Variants in MYOM1 observed in about 807,000 individuals in gnomAD.
MYOM1 encodes myomesin-1.
MYOM1 carries 164 observed loss-of-function variants against 205.3 expected under a neutral mutation model. The observed-to-expected ratio is 0.80, with a 90% CI of 0.70 to 0.91. The LOEUF (loss-of-function observed/expected upper bound fraction) is 0.91, where lower values mean the gene tolerates loss of function less well. Ranked by LOEUF, MYOM1 falls within the 40% of genes least tolerant of loss-of-function variation. The pLI is 0.00. For missense variants in MYOM1, 2,011 were observed against 2,127.3 expected (o/e 0.95, Z 1.08); for synonymous variants, 772 against 789.4 (o/e 0.98, Z 0.37).
chr18:3,077,476 T>A (rs2079032446), intron 34 of MYOM1, among the ~76,000 whole-genome samples: 1 of 152,168 alleles, frequency 6.6e-6, no homozygotes, highest in Non-Finnish European at 1.5e-5. Context: ...CAGTTGCTAG[T>A]CCTGATTTTT....
At position 3,085,150 on chromosome 18, in the gene MYOM1, T is replaced by C; in HGVS notation, c.4252-18A>G. On this transcript the variant is annotated intron_variant, in intron 30 of 37. Transcript: ENST00000356443. ...TTGGAAAACTAAGGGGGAATAGATA[T>C]ACCACATTGCACCTTTCGTAGCCCC... 6.4e-7 allele frequency: 1 copy of C among 1,569,552 alleles called. No individual in the cohort carries two copies. Among genetic ancestry groups the C allele is most frequent in the Non-Finnish European group, 8.7e-7 (1 of 1,151,328 alleles).
chr18:3,120,039 GTT>G (rs367606643), intron 19 of MYOM1, 44 bp from the exon 20 acceptor site: 3 of 1,153,526 alleles, frequency 2.6e-6, no homozygotes, highest in Admixed American at 2.9e-5. Context: ...TTCCAGGTTT[GTT>G]TTTTTTTTTC....
chr18:3,157,547 C>T (rs1024467004), intron 10 of MYOM1, among the ~76,000 whole-genome samples: 1 of 151,648 alleles, frequency 6.6e-6, no homozygotes, highest in Non-Finnish European at 1.5e-5. Flanking sequence ...TGTGGTAGTG[C>T]GGGCCTATGT....
chr18:3,228,734 G>T, the MYOM1 span, among the ~76,000 whole-genome samples: 1 of 152,102 alleles, frequency 6.6e-6, no homozygotes, highest in Non-Finnish European at 1.5e-5. The surrounding 1 kb of genome is among the most constrained non-coding windows in gnomAD (Gnocchi z 4.5). Flanking sequence ...ACCCAGAAAA[G>T]TTTCCTCAGG....
chr18:3,193,381 C>CAA (rs1567961483), intron 3 of MYOM1, among the ~76,000 whole-genome samples: 53 of 141,458 alleles, frequency 3.7e-4, no homozygotes, highest in South Asian at 2.9e-3. Context: ...CACACACACA[C>CAA]AATAATAAAA....
At chr18:3,207,216 TC>T (rs2081134779) in intron 2 of MYOM1, among the ~76,000 whole-genome samples, 2 of 152,206 alleles carry the variant, frequency 1.3e-5, no homozygotes, top group African/African-American at 4.8e-5. Context: ...TGTGTAAAAC[TC>T]TGAGAGAATT....
chr18:3,089,547 G>A lies in MYOM1; in HGVS notation c.4059C>T (p.Ile1353=). 1.2e-6 allele frequency: 2 copies of A among 1,607,622 alleles called. No homozygotes were observed. Among genetic ancestry groups the A allele is most frequent in the Non-Finnish European group, 1.7e-6 (2 of 1,177,068 alleles). The change falls in exon 28 of 38, where the codon ATC becomes ATT. Residue 1353 remains isoleucine, a synonymous_variant. Transcript: ENST00000356443. ...ACGGCCTATTTTTACCTTGTTTCCT[G>A]ATCCATTCTTGCCGCTGGAATTCAG... The part of the protein sequence containing the change: ...KEAEFQRQEW[I]RKQGPHFVEY...
intron 17 of MYOM1, among the ~76,000 whole-genome samples, chr18:3,130,038 C>T (rs953839063): frequency 1.3e-5 from 2 of 151,724 alleles, no homozygotes; most frequent in African/African-American, 4.8e-5. Flanking sequence ...TTCCTTCCTT[C>T]GTTTTCTTTC....
intron 18 of MYOM1, among the ~76,000 whole-genome samples, chr18:3,127,843 T>A (rs1344842792): frequency 6.6e-6 from 1 of 152,246 alleles, no homozygotes; most frequent in Non-Finnish European, 1.5e-5. Flanking sequence ...TGTTGGAATA[T>A]TTTTCATGTG....
In MYOM1 at chr18:3,187,653, T is replaced by G. The variant is rs373358440; in HGVS notation, c.772-16A>C. On this transcript the variant is annotated splice_polypyrimidine_tract_variant and intron_variant, in intron 4 of 37. Coordinates refer to ENST00000356443, the MANE Select transcript of MYOM1 (RefSeq NM_003803.4). The stretch of plus-strand genomic sequence containing the variant: ...TTTCTTCTAACTGAAAAAACAAATA[T>G]GCAAACAAACATATTACCAAAATAC... 3.1e-5 allele frequency: 49 copies of G among 1,572,906 alleles called. 1 individual carries two copies. The South Asian group carries it at 5.6e-4, about 18-fold the overall frequency.
In MYOM1 at chr18:3,215,018, G is replaced by C. The variant is rs748396935; in HGVS notation, c.206C>G (p.Ser69Cys). The C allele has an allele frequency of 6.2e-7, 1 of 1,612,446 alleles. No individual in the cohort carries two copies. The highest frequency in any genetic ancestry group is 1.1e-5 in the South Asian group (1 of 90,968). Residue 69 changes from serine (S) to cysteine (C), a missense_variant, in exon 2 of 38, where the codon TCC becomes TGC. Transcript: ENST00000356443. Reference sequence around the variant, plus strand: ...GGCGTGCTGCGAGGCCTGCTGCTGGGAGGAGGAGGCGGACGCCCGACGGAA... The same window carrying C: ...GGCGTGCTGCGAGGCCTGCTGCTGGCAGGAGGAGGCGGACGCCCGACGGAA... ...EAFRRASASS[S>C]QQQASQHALS...
At position 3,085,290 on chromosome 18, in the gene MYOM1, C is replaced by T. The variant is rs893500650; in HGVS notation, c.4252-158G>A. Among the ~76,000 whole-genome samples, 6 of 109,424 alleles carry T rather than the reference C, an allele frequency of 5.5e-5. No homozygotes were observed. In the Admixed American group the frequency reaches 8.7e-4, roughly 16 times the overall value. 71.8% of individuals were successfully genotyped at this position (109,424 alleles called of 152,430 possible). On this transcript the variant is annotated intron_variant, in intron 30 of 37. Coordinates refer to ENST00000356443, the MANE Select transcript of MYOM1 (RefSeq NM_003803.4). ...TTTTTTTTGAGACAAGGGTCTCACT[C>T]TATCAGCCAGGCTGGAGTGCAGATG... is the stretch of plus-strand genomic sequence containing the variant.
At chr18:3,175,233 C>G (rs1598743775) in intron 6 of MYOM1, among the ~76,000 whole-genome samples, 1 of 152,062 alleles carries the variant, frequency 6.6e-6, no homozygotes, top group East Asian at 1.9e-4. Flanking sequence ...GGCACAGGGT[C>G]CTAGCATCAT....
intron 8 of MYOM1, among the ~76,000 whole-genome samples, chr18:3,171,192 C>T (rs7236817): frequency 0.63 from 95,839 of 152,050 alleles, 30,388 homozygotes; most frequent in Non-Finnish European, 0.65. Context: ...GTCTTGATTT[C>T]GTGTGTTCCC....
chr18:3,201,224 C>A (rs2081062751), intron 2 of MYOM1, among the ~76,000 whole-genome samples: 2 of 151,882 alleles, frequency 1.3e-5, no homozygotes, highest in African/African-American at 2.4e-5. Context: ...CATGGTGGAA[C>A]CCTGCCTCTA....
chr18:3,230,669 C>T, the MYOM1 span, among the ~76,000 whole-genome samples: 1 of 152,206 alleles, frequency 6.6e-6, no homozygotes, highest in Non-Finnish European at 1.5e-5. Context: ...GCCACTACTT[C>T]CTTTACCTAG....
intron 2 of MYOM1, among the ~76,000 whole-genome samples, chr18:3,194,405 G>C (rs2080964623): frequency 6.6e-6 from 1 of 152,180 alleles, no homozygotes; most frequent in Admixed American, 6.5e-5. Context: ...TTTACACTGA[G>C]ACCTTTATGT....
upstream of MYOM1, among the ~76,000 whole-genome samples, chr18:3,221,974 T>A (rs2081334199): frequency 6.6e-6 from 1 of 152,216 alleles, no homozygotes; most frequent in Non-Finnish European, 1.5e-5. Flanking sequence ...TGGTGAGCTG[T>A]TTCTCTAGAG....
chr18:3,212,851 T>C (rs564582152), intron 2 of MYOM1, among the ~76,000 whole-genome samples: 11 of 152,330 alleles, frequency 7.2e-5, no homozygotes, highest in African/African-American at 2.6e-4. Flanking sequence ...GCAGTTCGTC[T>C]GAGGCAAGTG....
Sources: allele counts gnomAD v4.1 joint callset (sites outside exome capture counted in the v4.1 genomes callset), GRCh38; gene constraint gnomAD v4.1.1; non-coding constraint Gnocchi (gnomAD v3.1); transcripts MANE v1.5; gene names NCBI Gene and HGNC (gene_info 2026-07-23, HGNC 2026-07-21).